KPNA4: variants seen among roughly 807,000 people sequenced by gnomAD.
KPNA4 encodes the protein importin subunit alpha-3.
KPNA4 carries 13 observed loss-of-function variants against 71.3 expected under a neutral mutation model. That is an observed-to-expected ratio of 0.18 (90% CI 0.12 to 0.29). KPNA4 has a LOEUF of 0.29. Ranked by LOEUF, KPNA4 falls within the 10% of genes least tolerant of loss-of-function variation. The pLI is 1.00. For missense variants in KPNA4, 334 were observed against 603.2 expected, an observed-to-expected ratio of 0.55 and a Z score of 4.67; for synonymous variants, 189 against 195.2, an observed-to-expected ratio of 0.97 and a Z score of 0.26.
rs190687736 is a variant in KPNA4 at position 160,560,783 on chromosome 3, G to A, written c.69+4431C>T. ...TGTAAACCAGGAAAGTTGGCAAGAAGTACAGAAACAGTCATTTAATTCCTA... is the reference window on the plus strand; with the variant it reads ...TGTAAACCAGGAAAGTTGGCAAGAAATACAGAAACAGTCATTTAATTCCTA... On this transcript the variant is annotated intron_variant, in intron 1 of 16. Transcript: ENST00000334256. Among the ~76,000 whole-genome samples the A allele has an allele frequency of 2.0e-5, 3 of 152,100 alleles. No individual in the cohort carries two copies. The East Asian group carries it at 5.8e-4, about 29-fold the overall frequency.
intron 7 of KPNA4, among the ~76,000 whole-genome samples, chr3:160,529,675 T>C (rs1560050006): frequency 6.6e-6 from 1 of 152,078 alleles, no homozygotes; most frequent in Non-Finnish European, 1.5e-5. Context: ...GGTAGAACAA[T>C]CAAATACTAT....
intron 5 of KPNA4, among the ~76,000 whole-genome samples, chr3:160,533,435 T>C (rs1170975168): frequency 6.6e-6 from 1 of 150,510 alleles, no homozygotes; most frequent in African/African-American, 2.4e-5. Context: ...GTGCTTAGCA[T>C]TAAGTGGAAA....
intron 1 of KPNA4, among the ~76,000 whole-genome samples, chr3:160,554,046 T>C (rs1379911098): frequency 6.6e-6 from 1 of 152,154 alleles, no homozygotes. Context: ...GAATAAATAT[T>C]TGCTTAACAA....
chr3:160,524,280 T>C (rs1425044086), intron 10 of KPNA4, among the ~76,000 whole-genome samples: 2 of 152,222 alleles, frequency 1.3e-5, no homozygotes, highest in Non-Finnish European at 2.9e-5. Flanking sequence ...CAAGATGTCT[T>C]GTTTTCTAGT....
At chr3:160,542,547 AC>A (rs776321923) in intron 1 of KPNA4, among the ~76,000 whole-genome samples, 36 of 152,232 alleles carry the variant, frequency 2.4e-4, no homozygotes, top group Admixed American at 4.6e-4. Context: ...AAGGATAAAA[AC>A]CCATATTACA....
chr3:160,527,464 A>G (rs1450445361), intron 8 of KPNA4, among the ~76,000 whole-genome samples: 1 of 152,212 alleles, frequency 6.6e-6, no homozygotes, highest in Non-Finnish European at 1.5e-5. Context: ...TAATATTACT[A>G]TATTTTATAC....
rs1255838582 is a variant in KPNA4 at position 160,499,500 on chromosome 3, T to G, written c.*2604A>C. 6.9e-6 allele frequency: 1 copy of G among 144,630 alleles called. No homozygotes were observed. Among genetic ancestry groups the G allele is most frequent in the Admixed American group, 7.0e-5 (1 of 14,380 alleles). 9.0% of individuals were successfully genotyped at this position (144,630 alleles called of 1,614,324 possible). On this transcript the variant is annotated 3_prime_UTR_variant, in exon 17 of 17. Coordinates refer to ENST00000334256, the MANE Select transcript of KPNA4 (RefSeq NM_002268.5). ...TGGAGAATTAAAAAAAAAAAAAAAG[T>G]GTTTAACCAGGTAACCGTGATGAAC...
At chr3:160,515,424 C>CAA in intron 12 of KPNA4, 28 bp downstream of exon 12, 3 of 1,558,536 alleles carry the variant, frequency 1.9e-6, no homozygotes, top group Non-Finnish European at 2.6e-6. Context: ...TAAGTGCTAT[C>CAA]TATTAAGTAG....
At chr3:160,558,062 A>G (rs891656420) in intron 1 of KPNA4, among the ~76,000 whole-genome samples, 3 of 152,226 alleles carry the variant, frequency 2.0e-5, no homozygotes, top group African/African-American at 7.2e-5. Context: ...CATTCTGGGT[A>G]CTAAATAGTG....
At chr3:160,526,496 A>G (rs946058850) in intron 8 of KPNA4, among the ~76,000 whole-genome samples, 1 of 152,238 alleles carries the variant, frequency 6.6e-6, no homozygotes. Context: ...ATTACTCTAT[A>G]CACTTAGAAA....
intron 11 of KPNA4, among the ~76,000 whole-genome samples, chr3:160,519,005 G>A (rs1317317287): frequency 3.9e-5 from 6 of 152,184 alleles, no homozygotes; most frequent in Non-Finnish European, 7.3e-5. Flanking sequence ...TTTTGAAAAT[G>A]AGAAGTCCTC....
In KPNA4 at chr3:160,528,033, A is replaced by G. The variant is rs1376568295; in HGVS notation, c.476T>C (p.Val159Ala). The change falls in exon 8 of 17, where the codon GTG becomes GCG. Residue 159 changes from valine (V) to alanine (A), a missense_variant. Coordinates refer to ENST00000334256, the MANE Select transcript of KPNA4 (RefSeq NM_002268.5). ...QTQAVVQSNAVPLFLRLLHSP... is the reference protein window; with the variant it reads ...QTQAVVQSNAAPLFLRLLHSP... ...ATGGAGAAGCCTCAGGAAAAGTGGC[A>G]CAGCATCTGATGGAAGAAAAAATAA... is the stretch of plus-strand genomic sequence containing the variant. The G allele has an allele frequency of 5.6e-6, 9 of 1,611,196 alleles. No individual in the cohort carries two copies. The highest frequency in any genetic ancestry group is 7.6e-6 in the Non-Finnish European group (9 of 1,178,154).
rs142714909 is a variant in KPNA4, at chr3:160,543,736, A to G, written c.70-6896T>C. Among the ~76,000 whole-genome samples, 31 of 152,362 alleles carry G rather than the reference A, an allele frequency of 2.0e-4. No homozygotes were observed. The East Asian group carries it at 4.2e-3, about 21-fold the overall frequency. ...CTATGCTAAGAATCATGAAAAAGTC[A>G]TAACTCAAAATTATAAACAAGAGCT... On this transcript the variant is annotated intron_variant, in intron 1 of 16. Coordinates refer to ENST00000334256, the MANE Select transcript of KPNA4 (RefSeq NM_002268.5).
intron 5 of KPNA4, among the ~76,000 whole-genome samples, chr3:160,533,305 G>A (rs542235778): frequency 1.3e-5 from 2 of 152,090 alleles, no homozygotes; most frequent in African/African-American, 4.8e-5. Context: ...GATTACAGGC[G>A]TTAAGCCACC....
chr3:160,511,714 T>TATA (rs1721097735), intron 13 of KPNA4, among the ~76,000 whole-genome samples: 18 of 146,528 alleles, frequency 1.2e-4, no homozygotes, highest in African/African-American at 2.5e-4. Context: ...TTTGTTATTT[T>TATA]TATATATATA....
intron 4 of KPNA4, 44 bp downstream of exon 4, chr3:160,535,617 A>G: frequency 6.3e-7 from 1 of 1,588,592 alleles, no homozygotes; most frequent in South Asian, 1.2e-5. Context: ...TTAGCTGTTG[A>G]GGACAAGAAA....
intron 13 of KPNA4, among the ~76,000 whole-genome samples, chr3:160,510,096 T>C (rs988804411): frequency 6.6e-5 from 10 of 152,176 alleles, no homozygotes; most frequent in African/African-American, 2.4e-4. Context: ...ACTGAGTTGA[T>C]ATTATTATCT....
intron 1 of KPNA4, among the ~76,000 whole-genome samples, chr3:160,537,170 G>T (rs764776539): frequency 2.7e-5 from 4 of 150,404 alleles, no homozygotes; most frequent in African/African-American, 4.9e-5. Context: ...CATATGAACC[G>T]ATGATATTAC....
chr3:160,511,037 C>A (rs760404991), intron 13 of KPNA4, among the ~76,000 whole-genome samples: 1 of 151,862 alleles, frequency 6.6e-6, no homozygotes, highest in Non-Finnish European at 1.5e-5. Flanking sequence ...GTGATCTGCC[C>A]GCCTCAGCCT....
Sources: gnomAD v4.1 joint callset for allele counts (sites outside exome capture counted in the v4.1 genomes callset) on GRCh38, gnomAD v4.1.1 for gene constraint, MANE v1.5 for transcripts, NCBI Gene and HGNC (gene_info 2026-07-23, HGNC 2026-07-21) for gene names.